The following DIAPH2 variants were observed in gnomAD, a reference collection of about 807,000 sequenced individuals.
DIAPH2 encodes the protein diaphanous related formin 2, also known as protein diaphanous homolog 2.
In DIAPH2, 35 loss-of-function variants were observed where a neutral mutation model predicts 92.7. That is an observed-to-expected ratio of 0.38 (90% CI 0.29 to 0.50). The LOEUF (loss-of-function observed/expected upper bound fraction) is 0.50. DIAPH2 is among the 20% of genes least tolerant of loss of function. DIAPH2 has a pLI of 0.94. For synonymous variants in DIAPH2, 301 were observed against 280.4 expected, an observed-to-expected ratio of 1.07 and a Z score of -0.73; for missense variants, 701 against 819.5, an observed-to-expected ratio of 0.86 and a Z score of 1.77.
intron 9 of DIAPH2, among the ~76,000 whole-genome samples, chrX:96,924,927 G>T (rs1215889911): frequency 9.0e-6 from 1 of 111,214 alleles, no homozygotes; most frequent in Non-Finnish European, 1.9e-5. Flanking sequence ...TTTGAGTGGG[G>T]ATACAAATCC....
intron 4 of DIAPH2, among the ~76,000 whole-genome samples, chrX:96,853,022 A>G (rs2065015334): frequency 8.9e-6 from 1 of 111,908 alleles, no homozygotes; most frequent in African/African-American, 3.2e-5. Context: ...GAAGATTCAG[A>G]GAGGCTAAGT....
At chrX:96,825,360 T>C (rs562052001) in intron 4 of DIAPH2, among the ~76,000 whole-genome samples, 10,330 of 106,918 alleles carry the variant, frequency 0.097, 500 homozygotes, top group East Asian at 0.31. Flanking sequence ...TTTTCTTTTT[T>C]TTTTTTTTTT....
In DIAPH2 at chrX:97,113,411, A is replaced by G. The variant is rs770196727; in HGVS notation, c.2350-1315A>G. On this transcript the variant is annotated intron_variant, in intron 20 of 26. Coordinates refer to ENST00000324765, the MANE Select transcript of DIAPH2 (RefSeq NM_006729.5). ...CTGAAGAAATAGCAGTACAATTTGT[A>G]TAATAATACCCTGACCAGATAAAAA... Among the ~76,000 whole-genome samples, 419 of 111,922 alleles carry G rather than the reference A, an allele frequency of 3.7e-3. 3 individuals carry two copies. The highest frequency in any genetic ancestry group is 0.013 in the African/African-American group (409 of 30,786).
chrX:96,962,496 C>CATATATATAT (rs761811314), intron 16 of DIAPH2, among the ~76,000 whole-genome samples: 2 of 44,749 alleles, frequency 4.5e-5, no homozygotes, highest in East Asian at 1.2e-3. Context: ...CACACACACA[C>CATATATATAT]ATATATATAT....
intron 20 of DIAPH2, among the ~76,000 whole-genome samples, chrX:97,111,233 C>A (rs958645637): frequency 2.7e-5 from 3 of 112,133 alleles, no homozygotes; most frequent in Admixed American, 1.9e-4. Flanking sequence ...ACAGGAATTT[C>A]TCCCACTTTA....
chrX:97,503,335 C>G (rs1228209869), intron 26 of DIAPH2, among the ~76,000 whole-genome samples: 5 of 112,002 alleles, frequency 4.5e-5, no homozygotes, highest in African/African-American at 1.6e-4. Flanking sequence ...CCTGAGGTCT[C>G]CAGGCAAGGT....
chrX:96,739,720 A>G (rs1341474318), intron 3 of DIAPH2, among the ~76,000 whole-genome samples: 1 of 112,072 alleles, frequency 8.9e-6, no homozygotes, highest in African/African-American at 3.2e-5. Context: ...TATTCCTTCC[A>G]TCTAGCCACA....
At chrX:96,928,759 A>T (rs887247862) in intron 9 of DIAPH2, among the ~76,000 whole-genome samples, 20 of 111,451 alleles carry the variant, frequency 1.8e-4, no homozygotes, top group African/African-American at 6.2e-4. Flanking sequence ...ACTTCACAAT[A>T]TCTCCTAATT....
At chrX:97,086,197 G>A (rs933588474) in intron 19 of DIAPH2, among the ~76,000 whole-genome samples, 3 of 111,803 alleles carry the variant, frequency 2.7e-5, no homozygotes, top group Non-Finnish European at 5.6e-5. Context: ...CAAATTCATA[G>A]TATGTACATG....
At chrX:97,176,172 G>A (rs764139682) in intron 22 of DIAPH2, among the ~76,000 whole-genome samples, 11 of 112,205 alleles carry the variant, frequency 9.8e-5, no homozygotes, top group Non-Finnish European at 2.1e-4. Flanking sequence ...CATCAAGAAA[G>A]AGGCTCTTAC....
chrX:96,748,527 T>G (rs890764886), intron 3 of DIAPH2, among the ~76,000 whole-genome samples: 1 of 111,951 alleles, frequency 8.9e-6, no homozygotes, highest in Non-Finnish European at 1.9e-5. Context: ...TCTCAAAATT[T>G]GAACAGTTTA....
chrX:97,050,970 A>T (rs1168064932), intron 17 of DIAPH2, among the ~76,000 whole-genome samples: 1 of 111,833 alleles, frequency 8.9e-6, no homozygotes, highest in Non-Finnish European at 1.9e-5. Context: ...CTTTCTGTAA[A>T]TACCTTAGAT....
intron 26 of DIAPH2, among the ~76,000 whole-genome samples, chrX:97,523,515 G>A (rs997452335): frequency 4.5e-5 from 5 of 111,441 alleles, no homozygotes; most frequent in South Asian, 3.7e-4. Flanking sequence ...TAATAATACC[G>A]TATGCCAAGG....
chrX:97,321,894 T>G (rs1225064423), intron 23 of DIAPH2, among the ~76,000 whole-genome samples: 7 of 112,226 alleles, frequency 6.2e-5, no homozygotes, highest in Non-Finnish European at 1.3e-4. Flanking sequence ...TAAAGTTGCC[T>G]TCCAATTTTG....
chrX:97,008,883 C>G (rs1602711125), intron 17 of DIAPH2, among the ~76,000 whole-genome samples: 1 of 111,368 alleles, frequency 9.0e-6, no homozygotes, highest in South Asian at 3.8e-4. Context: ...CTGAAGGCAG[C>G]AGAACACTGG....
intron 22 of DIAPH2, among the ~76,000 whole-genome samples, chrX:97,156,456 G>A (rs999219374): frequency 1.8e-5 from 2 of 112,061 alleles, no homozygotes; most frequent in African/African-American, 6.5e-5. Context: ...GACACATATT[G>A]CTTAGCCTTA....
At chrX:97,471,665 G>A (rs1021950190) in intron 26 of DIAPH2, among the ~76,000 whole-genome samples, 7 of 94,151 alleles carry the variant, frequency 7.4e-5, no homozygotes, top group Non-Finnish European at 1.5e-4. Flanking sequence ...ACTCCAGACT[G>A]GGCAACGAGA....
At chrX:96,687,213 G>C (rs1222904189) in intron 1 of DIAPH2, among the ~76,000 whole-genome samples, 1 of 111,704 alleles carries the variant, frequency 9.0e-6, no homozygotes, top group Non-Finnish European at 1.9e-5. Flanking sequence ...GGAAGAAGGG[G>C]AAATGGCATT....
rs1342578553 is a variant in DIAPH2 at position 97,603,879 on chromosome X, T to G, written c.*4562T>G. On this transcript the variant is annotated 3_prime_UTR_variant, in exon 27 of 27. Transcript: ENST00000324765. ...TTTCTATCACAGCCACCAAAATTCTTCTAGTCTCTACCCATTATCCAATTC... is the reference window on the plus strand; with the variant it reads ...TTTCTATCACAGCCACCAAAATTCTGCTAGTCTCTACCCATTATCCAATTC... 1 of 112,124 alleles carries G rather than the reference T, an allele frequency of 8.9e-6. No individual in the cohort carries two copies. Among genetic ancestry groups the G allele is most frequent in the East Asian group, 2.8e-4 (1 of 3,585 alleles). The allele number at this position is 112,124 out of a possible 1,213,427, so 9.2% of individuals were successfully genotyped here.
Sources: allele counts gnomAD v4.1 joint callset (sites outside exome capture counted in the v4.1 genomes callset), GRCh38; gene constraint gnomAD v4.1.1; transcripts MANE v1.5; gene names NCBI Gene and HGNC (gene_info 2026-07-23, HGNC 2026-07-21).